Variants in SPOCK1 observed in about 807,000 individuals in gnomAD.
SPOCK1 encodes the protein testican-1.
Under a neutral mutation model 55.3 loss-of-function variants are expected in SPOCK1, and 23 were observed. The observed-to-expected ratio is 0.42, with a 90% CI of 0.30 to 0.59. The LOEUF (loss-of-function observed/expected upper bound fraction) is 0.59. SPOCK1 is among the 20% of genes least tolerant of loss of function. SPOCK1 has a pLI of 0.22. For missense variants in SPOCK1, 499 were observed against 552.5 expected, an observed-to-expected ratio of 0.90 and a Z score of 0.97; for synonymous variants, 226 against 221.0, an observed-to-expected ratio of 1.02 and a Z score of -0.20.
At position 137,473,808 on chromosome 5, in the gene SPOCK1, G is replaced by A. The variant is rs567270791; in HGVS notation, c.186+24565C>T. Among the ~76,000 whole-genome samples the A allele has an allele frequency of 4.7e-4, 71 of 152,250 alleles. 1 individual carries two copies. The South Asian group carries it at 0.015, about 31-fold the overall frequency. On this transcript the variant is annotated intron_variant, in intron 2 of 10. Coordinates refer to ENST00000394945, the MANE Select transcript of SPOCK1 (RefSeq NM_004598.4). ...CCGAATTATTTTCTTCGCACTGTTA[G>A]GATAACCTCACTTCAACAATTTTAA...
At chr5:137,297,727 A>G (rs1038038029) in intron 2 of SPOCK1, among the ~76,000 whole-genome samples, 1 of 152,146 alleles carries the variant, frequency 6.6e-6, no homozygotes, top group African/African-American at 2.4e-5. Flanking sequence ...GGGCACAAAC[A>G]TGAGCAGACC....
chr5:137,494,247 A>C (rs1754249309), intron 2 of SPOCK1, among the ~76,000 whole-genome samples: 1 of 152,164 alleles, frequency 6.6e-6, no homozygotes, highest in Non-Finnish European at 1.5e-5. Context: ...TGTCCAGCTG[A>C]CTTCCCATCC....
At chr5:137,482,661 C>T (rs1358962397) in intron 2 of SPOCK1, among the ~76,000 whole-genome samples, 2 of 152,004 alleles carry the variant, frequency 1.3e-5, no homozygotes, top group Admixed American at 6.6e-5. Flanking sequence ...TTCAGGGGAC[C>T]GGGTCATTAA....
intron 3 of SPOCK1, among the ~76,000 whole-genome samples, chr5:137,155,922 A>C (rs1754407366): frequency 6.6e-6 from 1 of 152,206 alleles, no homozygotes; most frequent in African/African-American, 2.4e-5. Context: ...CTCTCATTGG[A>C]AGCCAAGTCA....
At chr5:137,273,678 C>CATGAT (rs1444132289) in intron 2 of SPOCK1, among the ~76,000 whole-genome samples, 3 of 152,140 alleles carry the variant, frequency 2.0e-5, no homozygotes, top group Non-Finnish European at 2.9e-5. Flanking sequence ...CTAGCAAAAT[C>CATGAT]ATGATTAAAT....
chr5:137,214,097 G>A (rs1755668611), intron 3 of SPOCK1, among the ~76,000 whole-genome samples: 1 of 152,144 alleles, frequency 6.6e-6, no homozygotes, highest in Non-Finnish European at 1.5e-5. Context: ...CACATAATAA[G>A]AGTGAAAATA....
At chr5:137,188,853 T>C (rs1207615941) in intron 3 of SPOCK1, among the ~76,000 whole-genome samples, 1 of 152,194 alleles carries the variant, frequency 6.6e-6, no homozygotes, top group Non-Finnish European at 1.5e-5. Context: ...GAAAAATGAT[T>C]GAAGGAAATT....
chr5:137,365,496 T>C (rs565065055), intron 2 of SPOCK1: 5 of 152,338 alleles, frequency 3.3e-5, no homozygotes, highest in African/African-American at 9.6e-5. Context: ...CTCTGAGAAA[T>C]TGCCCCTAAA....
At position 137,480,706 on chromosome 5, in the gene SPOCK1, A is replaced by G. The variant is rs144064182; in HGVS notation, c.186+17667T>C. Among the ~76,000 whole-genome samples the G allele has an allele frequency of 4.3e-4, 65 of 152,280 alleles. 1 individual carries two copies. Among genetic ancestry groups the G allele is most frequent in the Middle Eastern group, 3.4e-3 (1 of 294 alleles). On this transcript the variant is annotated intron_variant, in intron 2 of 10. Transcript: ENST00000394945. Reference sequence around the variant, plus strand: ...CCACGTCACCCACCCCATGCCCTCTAAAGAACCATTGTATCTATTTCTAGC... The same window carrying G: ...CCACGTCACCCACCCCATGCCCTCTGAAGAACCATTGTATCTATTTCTAGC...
chr5:137,088,747 G>A (rs966213273), intron 5 of SPOCK1, among the ~76,000 whole-genome samples: 2 of 152,128 alleles, frequency 1.3e-5, no homozygotes, highest in African/African-American at 4.8e-5. Context: ...TACCACATCG[G>A]TCACAATCCC....
intron 6 of SPOCK1, among the ~76,000 whole-genome samples, chr5:137,027,772 C>T (rs544632838): frequency 1.3e-5 from 2 of 152,110 alleles, no homozygotes; most frequent in Middle Eastern, 3.4e-3. Flanking sequence ...CTCCTGCCCC[C>T]ATACACACCA....
At chr5:137,166,537 A>C (rs1561633835) in intron 3 of SPOCK1, among the ~76,000 whole-genome samples, 1 of 152,126 alleles carries the variant, frequency 6.6e-6, no homozygotes, top group Admixed American at 6.6e-5. Flanking sequence ...TATAGTGCTG[A>C]AACTGTGGTA....
chr5:137,052,573 T>C (rs1752225600), intron 6 of SPOCK1, among the ~76,000 whole-genome samples: 1 of 152,210 alleles, frequency 6.6e-6, no homozygotes, highest in Non-Finnish European at 1.5e-5. Context: ...GCAAAATTAA[T>C]ATACATTGTT....
chr5:137,360,751 G>C (rs75357678), intron 2 of SPOCK1, among the ~76,000 whole-genome samples: 2 of 152,298 alleles, frequency 1.3e-5, no homozygotes, highest in Admixed American at 6.5e-5. Flanking sequence ...CCATCCCAAA[G>C]AAAGCTGGTA....
rs1404258376 is a variant in SPOCK1, at chr5:136,976,343, ACTGT to A, written c.*2307_*2310del. The A allele has an allele frequency of 7.9e-5, 12 of 152,698 alleles. No homozygotes were observed. The East Asian group carries it at 2.3e-3, about 30-fold the overall frequency. 9.5% of individuals were successfully genotyped at this position (152,698 alleles called of 1,614,324 possible). A position where few individuals can be genotyped will look rare whatever the true frequency, so the allele number is the denominator to read the frequency against. On this transcript the variant is annotated 3_prime_UTR_variant, in exon 11 of 11. Coordinates refer to ENST00000394945, the MANE Select transcript of SPOCK1 (RefSeq NM_004598.4). ...ATGGCATCTCATTACCTTACTGGGA[ACTGT>A]CTATTGAGCACTCTTCTCCATCATT...
At chr5:137,310,185 G>A (rs1757764873) in intron 2 of SPOCK1, among the ~76,000 whole-genome samples, 2 of 152,160 alleles carry the variant, frequency 1.3e-5, no homozygotes, top group Non-Finnish European at 2.9e-5. Flanking sequence ...TTCAAAAGGA[G>A]TCTTAAAAGG....
intron 2 of SPOCK1, among the ~76,000 whole-genome samples, chr5:137,417,531 T>C (rs3206601): frequency 0.08 from 12,205 of 152,072 alleles, 1,244 homozygotes; most frequent in African/African-American, 0.24. Flanking sequence ...TGAGTCAGCC[T>C]TTCTCTCAGC....
chr5:137,185,659 A>G (rs539487331), intron 3 of SPOCK1, among the ~76,000 whole-genome samples: 7 of 152,252 alleles, frequency 4.6e-5, no homozygotes, highest in South Asian at 4.2e-4. Flanking sequence ...TGCAGAGAAC[A>G]TGGTGGGATG....
chr5:137,152,694 ACT>A (rs1240688563), intron 3 of SPOCK1, among the ~76,000 whole-genome samples: 3 of 151,994 alleles, frequency 2.0e-5, no homozygotes, highest in South Asian at 2.1e-4. Flanking sequence ...GAGCCTCATG[ACT>A]CTGTCTTCTA....
Sources: gnomAD v4.1 joint callset for allele counts (sites outside exome capture counted in the v4.1 genomes callset) on GRCh38, gnomAD v4.1.1 for gene constraint, MANE v1.5 for transcripts, NCBI Gene and HGNC (gene_info 2026-07-23, HGNC 2026-07-21) for gene names.